The following LRP4 variants were observed in gnomAD, a reference collection of about 807,000 sequenced individuals.
LRP4 encodes the protein low-density lipoprotein receptor-related protein 4.
Under a neutral mutation model 220.3 loss-of-function variants are expected in LRP4, and 95 were observed. That is an observed-to-expected ratio of 0.43 (90% CI 0.37 to 0.51). The LOEUF is 0.51. Ranked by LOEUF, LRP4 falls within the 20% of genes least tolerant of loss-of-function variation. The pLI, the probability that LRP4 is intolerant of heterozygous loss-of-function variation, is 0.00. For synonymous variants in LRP4, 903 were observed against 954.6 expected (o/e 0.95, Z 1.00); for missense variants, 1,925 against 2,567.0 (o/e 0.75, Z 5.40).
chr11:46,874,028 A>C (rs1592521392), intron 28 of LRP4: 1 of 173,636 alleles, frequency 5.8e-6, no homozygotes, highest in Non-Finnish European at 1.2e-5. Flanking sequence ...CTGGTCTTGA[A>C]CTCCTGGGCT....
chr11:46,902,973 C>T (rs1941696159), intron 1 of LRP4, 44 bp from the exon 2 acceptor site: 1 of 1,612,408 alleles, frequency 6.2e-7, no homozygotes, highest in Non-Finnish European at 8.5e-7. Context: ...AGCTCCCACT[C>T]AACCCAAGCC....
chr11:46,903,554 G>T (rs1241269100), intron 1 of LRP4, among the ~76,000 whole-genome samples: 1 of 152,144 alleles, frequency 6.6e-6, no homozygotes, highest in Non-Finnish European at 1.5e-5. Flanking sequence ...GAGGTTTGGT[G>T]CTTTTGAAGA....
rs1215468212 is a variant in LRP4 at position 46,877,185 on chromosome 11, A to G, written c.3277+14T>C. ...GGGACAGAAGGCCAGGTGGGAAGAG[A>G]GGGCCATACAGACCTTCCTGGGGGT... On this transcript the variant is annotated intron_variant, in intron 23 of 37. Coordinates refer to ENST00000378623, the MANE Select transcript of LRP4 (RefSeq NM_002334.4). 1.9e-6 allele frequency: 3 copies of G among 1,613,596 alleles called. No individual in the cohort carries two copies. Among genetic ancestry groups the G allele is most frequent in the Non-Finnish European group, 2.5e-6 (3 of 1,179,652 alleles).
At chr11:46,864,617 G>C (rs556323225) in intron 35 of LRP4, 82 bp from the exon 36 acceptor site, 245 of 970,660 alleles carry the variant, frequency 2.5e-4, no homozygotes, top group Non-Finnish European at 3.6e-4. Flanking sequence ...AAGCTGAAAG[G>C]CTCCTTTTGT....
chr11:46,888,287 C>T (rs936274943), intron 16 of LRP4, among the ~76,000 whole-genome samples: 2 of 150,888 alleles, frequency 1.3e-5, no homozygotes, highest in African/African-American at 4.9e-5. Context: ...GGCACAGTGG[C>T]TCATGCCTGT....
chr11:46,901,938 T>C (rs1941673859), intron 2 of LRP4, among the ~76,000 whole-genome samples: 1 of 151,908 alleles, frequency 6.6e-6, no homozygotes, highest in Non-Finnish European at 1.5e-5. Context: ...TTTCAGCGTA[T>C]TAGCCAGGAT....
At position 46,897,348 on chromosome 11, in the gene LRP4, CTTTTTATTTTTTTA is replaced by C. The variant is rs1324194138; in HGVS notation, c.797-368_797-355del. Among the ~76,000 whole-genome samples, 26 of 95,702 alleles carry C rather than the reference CTTTTTATTTTTTTA, an allele frequency of 2.7e-4. No individual in the cohort carries two copies. The East Asian group carries it at 8.2e-3, about 30-fold the overall frequency. The allele number at this position is 95,702 out of a possible 152,430, so 62.8% of individuals were successfully genotyped here. ...GGCCTGTTTGTCTTTTTTTTTTTTTCTTTTTATTTTTTTATTTTTATTTTTTTTTATTTTTTAAT... is the reference window on the plus strand; with the variant it reads ...GGCCTGTTTGTCTTTTTTTTTTTTTCTTTTTATTTTTTTTTATTTTTTAAT... On this transcript the variant is annotated intron_variant, in intron 7 of 37. Transcript: ENST00000378623.
intron 7 of LRP4, among the ~76,000 whole-genome samples, chr11:46,897,617 C>T (rs1327073448): frequency 4.0e-5 from 6 of 150,332 alleles, no homozygotes; most frequent in African/African-American, 1.5e-4. Flanking sequence ...TAACAAAGCA[C>T]ATCTTGCACC....
chr11:46,902,710 A>G, intron 2 of LRP4, 73 bp downstream of exon 2: 1 of 1,563,772 alleles, frequency 6.4e-7, no homozygotes, highest in Non-Finnish European at 8.8e-7. Flanking sequence ...AAAATACTCC[A>G]TCAGCCTTGT....
At chr11:46,867,115 A>G (rs1273321754) in intron 34 of LRP4, among the ~76,000 whole-genome samples, 1 of 152,140 alleles carries the variant, frequency 6.6e-6, no homozygotes, top group Non-Finnish European at 1.5e-5. Context: ...ATCAGGAAGC[A>G]TTTTATAATG....
rs373852188 is a variant in LRP4, at chr11:46,867,954, A to G, written c.5087+25T>C. The G allele has an allele frequency of 1.9e-6, 3 of 1,614,006 alleles. No homozygotes were observed. The African/African-American group carries it at 4.0e-5, about 22-fold the overall frequency. ...GATGGTGATTTGAATCAAAGGGCCC[A>G]TGATCCTGCATTGAACCTATTTACC... On this transcript the variant is annotated intron_variant, in intron 34 of 37. Coordinates refer to ENST00000378623, the MANE Select transcript of LRP4 (RefSeq NM_002334.4).
In LRP4 at chr11:46,899,051, T is replaced by G. The variant is rs1329554983; in HGVS notation, c.548-19A>C. On this transcript the variant is annotated intron_variant, in intron 5 of 37. Coordinates refer to ENST00000378623, the MANE Select transcript of LRP4 (RefSeq NM_002334.4). The surrounding 1 kb of genome is among the most constrained non-coding windows in gnomAD (Gnocchi z 5.9). ...GCTGAGGCTGGAGGGAAGGCAGGGG[T>G]GGGGAGGGGCACACACTCAGGCCTG... 2 of 1,606,412 alleles carry G rather than the reference T, an allele frequency of 1.2e-6. No individual in the cohort carries two copies. The highest frequency in any genetic ancestry group is 2.7e-5 in the African/African-American group (2 of 74,800).
In LRP4 at chr11:46,864,434, A is replaced by G. The variant is rs1940639936; in HGVS notation, c.5243+14T>C. 1.3e-6 allele frequency: 2 copies of G among 1,598,564 alleles called. No homozygotes were observed. Among genetic ancestry groups the G allele is most frequent in the Non-Finnish European group, 1.7e-6 (2 of 1,166,176 alleles). On this transcript the variant is annotated intron_variant, in intron 36 of 37. Coordinates refer to ENST00000378623, the MANE Select transcript of LRP4 (RefSeq NM_002334.4). Reference sequence around the variant, plus strand: ...CCAATGAGCATGTGGCCCCTGTAGCAAGACTGAAGTTACCTGTACAGCATC... The same window carrying G: ...CCAATGAGCATGTGGCCCCTGTAGCGAGACTGAAGTTACCTGTACAGCATC...
chr11:46,894,440 T>A, intron 12 of LRP4, 149 bp downstream of exon 12: 1 of 670,504 alleles, frequency 1.5e-6, no homozygotes, highest in Non-Finnish European at 2.7e-6. Context: ...CATTAACAAA[T>A]GTTTTCTATA....
In LRP4 at chr11:46,862,492, A is replaced by G. The variant is rs961591023; in HGVS notation, c.5385+114T>C. 46 of 1,098,330 alleles carry G rather than the reference A, an allele frequency of 4.2e-5. No homozygotes were observed. The South Asian group carries it at 5.6e-4, about 13-fold the overall frequency. The allele number at this position is 1,098,330 out of a possible 1,614,324, so 68.0% of individuals were successfully genotyped here. A position where few individuals can be genotyped will look rare whatever the true frequency, so the allele number is the denominator to read the frequency against. On this transcript the variant is annotated intron_variant, in intron 37 of 37. Coordinates refer to ENST00000378623, the MANE Select transcript of LRP4 (RefSeq NM_002334.4). ...AGTTCTTCTGTTCACTATAACTTCC[A>G]AAATGGTAGATGGGATTACTCAGCA...
intron 34 of LRP4, among the ~76,000 whole-genome samples, chr11:46,867,681 C>T (rs191334895): frequency 2.0e-4 from 31 of 152,222 alleles, no homozygotes. Context: ...GGCTGGTCTC[C>T]AACTCCCGAC....
At position 46,889,419 on chromosome 11, in the gene LRP4, C is replaced by G. The variant is rs1290566388; in HGVS notation, c.2207G>C (p.Cys736Ser). 1 of 1,614,076 alleles carries G rather than the reference C, an allele frequency of 6.2e-7. No individual in the cohort carries two copies. Among genetic ancestry groups the G allele is most frequent in the Non-Finnish European group, 8.5e-7 (1 of 1,180,030 alleles). The change falls in exon 16 of 38, where the codon TGT (cysteine) becomes TCT (serine). Residue 736 changes from cysteine (C) to serine (S), a missense_variant. Cys to Ser is a moderately radical substitution (Grantham distance 112). Coordinates refer to ENST00000378623, the MANE Select transcript of LRP4 (RefSeq NM_002334.4). ...TGFRKISSHACAQSLDKFLLF... is the reference protein window; with the variant it reads ...TGFRKISSHASAQSLDKFLLF... ...GTTGCAGACCCACTTACTCTGGGCACAGGCGTGGCTGCTGATCTTGCGGAA... is the reference window on the plus strand; with the variant it reads ...GTTGCAGACCCACTTACTCTGGGCAGAGGCGTGGCTGCTGATCTTGCGGAA...
chr11:46,888,479 G>T (rs188150893), intron 16 of LRP4, among the ~76,000 whole-genome samples: 2 of 143,532 alleles, frequency 1.4e-5, no homozygotes, highest in South Asian at 2.3e-4. Flanking sequence ...CTTGAACCTG[G>T]GAAGTGGAGG....
In LRP4 at chr11:46,857,750, G is replaced by C. The variant is rs1360390604; in HGVS notation, c.*1233C>G. 1 of 152,608 alleles carries C rather than the reference G, an allele frequency of 6.6e-6. No individual in the cohort carries two copies. The highest frequency in any genetic ancestry group is 1.5e-5 in the Non-Finnish European group (1 of 68,038). The allele number at this position is 152,608 out of a possible 1,614,324, so 9.5% of individuals were successfully genotyped here. A position where few individuals can be genotyped will look rare whatever the true frequency, so the allele number is the denominator to read the frequency against. Reference sequence around the variant, plus strand: ...AGACACGTGCCCTTTGTGTGAATGAGCATGAACCAAGTGATGGCATCCCAC... The same window carrying C: ...AGACACGTGCCCTTTGTGTGAATGACCATGAACCAAGTGATGGCATCCCAC... On this transcript the variant is annotated 3_prime_UTR_variant, in exon 38 of 38. Transcript: ENST00000378623.
Sources: allele counts gnomAD v4.1 joint callset (sites outside exome capture counted in the v4.1 genomes callset), GRCh38; gene constraint gnomAD v4.1.1; non-coding constraint Gnocchi (gnomAD v3.1); transcripts MANE v1.5; gene names NCBI Gene and HGNC (gene_info 2026-07-23, HGNC 2026-07-21).